LGR6: variants seen among roughly 807,000 people sequenced by gnomAD.
The protein encoded by LGR6 is leucine rich repeat containing G protein-coupled receptor 6.
A neutral mutation model predicts 69.4 loss-of-function variants in LGR6; 45 were observed. The ratio of observed to expected loss-of-function variants is 0.65; its 90% CI spans 0.51 to 0.83. LGR6 has a LOEUF of 0.83. Ranked by LOEUF, LGR6 falls within the 40% of genes least tolerant of loss-of-function variation. LGR6 has a pLI of 0.00. For missense variants in LGR6, 1,108 were observed against 1,246.7 expected (o/e 0.89, Z 1.68); for synonymous variants, 538 against 555.0 (o/e 0.97, Z 0.43).
chr1:202,272,934 CCCT>C (rs755400762), intron 4 of LGR6, among the ~76,000 whole-genome samples: 2,049 of 152,352 alleles, frequency 0.013, 72 homozygotes, highest in East Asian at 0.092. Context: ...ACAATCTCTG[CCCT>C]GGTGTCCCAC....
At chr1:202,277,859 G>A (rs1190885599) in intron 5 of LGR6, among the ~76,000 whole-genome samples, 1 of 151,522 alleles carries the variant, frequency 6.6e-6, no homozygotes, top group Non-Finnish European at 1.5e-5. Context: ...TGGGGGAGGT[G>A]GGGTGGGACC....
intron 1 of LGR6, among the ~76,000 whole-genome samples, chr1:202,215,548 GC>G (rs1659719132): frequency 6.6e-6 from 1 of 152,180 alleles, no homozygotes; most frequent in Non-Finnish European, 1.5e-5. Context: ...TAGAAGAGAT[GC>G]TGGTGAGTCA....
chr1:202,287,898 A>T (rs532371376), intron 6 of LGR6, among the ~76,000 whole-genome samples: 1 of 152,104 alleles, frequency 6.6e-6, no homozygotes, highest in Non-Finnish European at 1.5e-5. Flanking sequence ...TTGTCATCCT[A>T]CAATCTGTTT....
At chr1:202,205,702 AC>A (rs1349265253) in intron 1 of LGR6, among the ~76,000 whole-genome samples, 122 of 136,412 alleles carry the variant, frequency 8.9e-4, no homozygotes, top group African/African-American at 3.1e-3. Context: ...AAACATACAC[AC>A]ACACCCCTAA....
At chr1:202,265,803 TA>T (rs1055699475) in intron 4 of LGR6, among the ~76,000 whole-genome samples, 2 of 152,154 alleles carry the variant, frequency 1.3e-5, no homozygotes, top group African/African-American at 4.8e-5. Flanking sequence ...ACTGGATCAA[TA>T]AAAAACACAG....
Position 202,202,508 on chromosome 1 carries a change from G to A in LGR6, c.212+8307G>A, listed in dbSNP as rs568643545. Among the ~76,000 whole-genome samples, 13 of 152,306 alleles carry A rather than the reference G, an allele frequency of 8.5e-5. No individual in the cohort carries two copies. In the East Asian group the frequency reaches 1.9e-3, roughly 23 times the overall value. ...TTTGCAGCCAAGCAGACATGGGTTC[G>A]AGGCTAAGTTCCAGCTCTAACCAGC... is the stretch of plus-strand genomic sequence containing the variant. On this transcript the variant is annotated intron_variant, in intron 1 of 17. Coordinates refer to ENST00000367278, the MANE Select transcript of LGR6 (RefSeq NM_001017403.2).
intron 1 of LGR6, among the ~76,000 whole-genome samples, chr1:202,220,369 T>A (rs1239264022): frequency 6.6e-6 from 1 of 151,744 alleles, no homozygotes; most frequent in East Asian, 1.9e-4. Flanking sequence ...CAGGCACCTG[T>A]CACCAGGCCC....
At chr1:202,284,140 C>T (rs114287689) in intron 6 of LGR6, among the ~76,000 whole-genome samples, 1,668 of 152,338 alleles carry the variant, frequency 0.011, 33 homozygotes, top group African/African-American at 0.038. Context: ...CGCCCCACCC[C>T]CTTCCTACAG....
intron 5 of LGR6, among the ~76,000 whole-genome samples, chr1:202,277,316 A>G (rs889279380): frequency 1.3e-5 from 2 of 152,170 alleles, no homozygotes; most frequent in Admixed American, 6.5e-5. Flanking sequence ...ACCTAGTTCC[A>G]TTTGAGAGAT....
intron 1 of LGR6, among the ~76,000 whole-genome samples, chr1:202,194,882 G>A (rs940363283): frequency 4.6e-5 from 7 of 152,198 alleles, no homozygotes; most frequent in Non-Finnish European, 8.8e-5. Context: ...GGCAGGCGCC[G>A]AGGCTGAAAA....
At chr1:202,261,135 A>G (rs1190330245) in intron 4 of LGR6, among the ~76,000 whole-genome samples, 1 of 151,968 alleles carries the variant, frequency 6.6e-6, no homozygotes, top group African/African-American at 2.4e-5. Context: ...CACAATGTGC[A>G]GCTTAGTTAC....
At chr1:202,216,643 A>AG (rs1446347152) in intron 1 of LGR6, among the ~76,000 whole-genome samples, 1 of 151,950 alleles carries the variant, frequency 6.6e-6, no homozygotes, top group Non-Finnish European at 1.5e-5. Flanking sequence ...TAGAGAGCAG[A>AG]GGGGGCCCAG....
At chr1:202,253,307 C>T (rs1010756525) in intron 4 of LGR6, among the ~76,000 whole-genome samples, 1 of 145,000 alleles carries the variant, frequency 6.9e-6, no homozygotes, top group East Asian at 2.0e-4. Context: ...TCCTAATACT[C>T]TTTTTTTTTT....
rs115334913 is a variant in LGR6 at position 202,251,262 on chromosome 1, G to A, written c.428+15269G>A. 6.6e-3 allele frequency among the ~76,000 whole-genome samples: 1,009 copies of A among 152,248 alleles called. 9 individuals are homozygous for A. The highest frequency in any genetic ancestry group is 0.014 in the Middle Eastern group (4 of 294). On this transcript the variant is annotated intron_variant, in intron 4 of 17. Transcript: ENST00000367278. ...GTGTGTTGTCAGAGCCTGCACGCTCGTATGTGGATCACCCTAAATAAAACA... is the reference window on the plus strand; with the variant it reads ...GTGTGTTGTCAGAGCCTGCACGCTCATATGTGGATCACCCTAAATAAAACA...
At chr1:202,308,503 A>T (rs184369547) in intron 14 of LGR6, among the ~76,000 whole-genome samples, 110 of 152,270 alleles carry the variant, frequency 7.2e-4, no homozygotes, top group African/African-American at 2.6e-3. Context: ...AGTAGAAGAA[A>T]ATGCATGTCC....
chr1:202,306,777 G>A (rs1022369957), intron 12 of LGR6, 91 bp from the exon 13 acceptor site: 1 of 1,147,098 alleles, frequency 8.7e-7, no homozygotes, highest in South Asian at 1.3e-5. Flanking sequence ...GAAGTGGGGG[G>A]CTCTACTTTC....
At chr1:202,249,441 G>T (rs1663042535) in intron 4 of LGR6, among the ~76,000 whole-genome samples, 1 of 152,130 alleles carries the variant, frequency 6.6e-6, no homozygotes, top group African/African-American at 2.4e-5. Flanking sequence ...TCCCTGGGAG[G>T]TTTCTCATCT....
intron 4 of LGR6, among the ~76,000 whole-genome samples, chr1:202,263,126 CT>C (rs1297344659): frequency 6.6e-6 from 1 of 151,830 alleles, no homozygotes; most frequent in Non-Finnish European, 1.5e-5. Flanking sequence ...TTATGATCAT[CT>C]TTTTTTCTTT....
chr1:202,275,703 A>C (rs1665488206), intron 4 of LGR6, among the ~76,000 whole-genome samples: 1 of 152,204 alleles, frequency 6.6e-6, no homozygotes, highest in Admixed American at 6.5e-5. Flanking sequence ...GTGACAGGGA[A>C]GGGCTTACCC....
Sources: allele counts gnomAD v4.1 joint callset (sites outside exome capture counted in the v4.1 genomes callset), GRCh38; gene constraint gnomAD v4.1.1; transcripts MANE v1.5; gene names NCBI Gene and HGNC (gene_info 2026-07-23, HGNC 2026-07-21).